Variants in ESR1 observed in about 807,000 individuals in gnomAD.
The protein encoded by ESR1 is estrogen receptor 1.
ESR1 carries 12 observed loss-of-function variants against 52.7 expected under a neutral mutation model. That is an observed-to-expected ratio of 0.23 (90% CI 0.15 to 0.37). ESR1 has a LOEUF of 0.37. ESR1 is among the 10% of genes least tolerant of loss of function. The pLI is 1.00. For synonymous variants in ESR1, 305 were observed against 316.8 expected (o/e 0.96, Z 0.39); for missense variants, 584 against 779.7 (o/e 0.75, Z 2.99).
chr6:151,939,550 T>C (rs1459167918), intron 3 of ESR1, among the ~76,000 whole-genome samples: 1 of 152,200 alleles, frequency 6.6e-6, no homozygotes, highest in African/African-American at 2.4e-5. Flanking sequence ...ATTTGCAGTT[T>C]TCACTTAACC....
At chr6:151,894,579 A>T (rs1309506287) in intron 3 of ESR1, among the ~76,000 whole-genome samples, 1 of 152,116 alleles carries the variant, frequency 6.6e-6, no homozygotes, top group Non-Finnish European at 1.5e-5. Context: ...TGAGAGATGA[A>T]GATCCAGTTG....
chr6:151,703,879 G>A (rs566713032), intron 2 of ESR1, among the ~76,000 whole-genome samples: 1 of 152,260 alleles, frequency 6.6e-6, no homozygotes, highest in East Asian at 1.9e-4. Flanking sequence ...AGGTGCTGTT[G>A]CTGAGATTTT....
chr6:151,963,736 CA>C (rs1285997226), intron 4 of ESR1, among the ~76,000 whole-genome samples: 2 of 152,138 alleles, frequency 1.3e-5, no homozygotes, highest in Non-Finnish European at 2.9e-5. Flanking sequence ...AGGTTGTATC[CA>C]AAGAACTCAT....
chr6:152,124,527 G>T (rs2052635176), intron 6 of ESR1, among the ~76,000 whole-genome samples: 1 of 152,138 alleles, frequency 6.6e-6, no homozygotes, highest in Admixed American at 6.5e-5. Flanking sequence ...AATTAGCATA[G>T]ATGGTCTTCT....
chr6:151,968,572 C>T (rs1033183377), intron 4 of ESR1, among the ~76,000 whole-genome samples: 5 of 152,082 alleles, frequency 3.3e-5, no homozygotes, highest in Admixed American at 2.6e-4. Context: ...TTTTTTATGA[C>T]ATATTAATCA....
At chr6:151,659,411 A>G (rs1777563510) in intron 1 of ESR1, among the ~76,000 whole-genome samples, 1 of 152,160 alleles carries the variant, frequency 6.6e-6, no homozygotes, top group African/African-American at 2.4e-5. Flanking sequence ...TTCTGGTTCC[A>G]TTGTTCCTCC....
At chr6:151,688,677 T>C (rs994544930), upstream of ESR1, among the ~76,000 whole-genome samples, 4 of 152,094 alleles carry the variant, frequency 2.6e-5, no homozygotes, top group African/African-American at 9.7e-5. Context: ...GTACTGAACA[T>C]GACTTTGCTC....
At chr6:152,122,024 G>A (rs1025493891) in intron 6 of ESR1, 4 of 251,872 alleles carry the variant, frequency 1.6e-5, no homozygotes, top group Admixed American at 5.0e-5. Flanking sequence ...TAGATTGTAC[G>A]ACACTGACAT....
chr6:151,829,511 C>T (rs1782044001), intron 1 of ESR1, among the ~76,000 whole-genome samples: 1 of 152,182 alleles, frequency 6.6e-6, no homozygotes, highest in African/African-American at 2.4e-5. Flanking sequence ...CATTTGTCAT[C>T]ATTACACGGT....
At chr6:152,005,359 C>A (rs561787292) in intron 4 of ESR1, among the ~76,000 whole-genome samples, 1 of 151,836 alleles carries the variant, frequency 6.6e-6, no homozygotes, top group Non-Finnish European at 1.5e-5. Flanking sequence ...GTCCAGGATG[C>A]CTTTTTATCC....
At chr6:152,068,121 G>A (rs2048112205) in intron 6 of ESR1, among the ~76,000 whole-genome samples, 1 of 152,240 alleles carries the variant, frequency 6.6e-6, no homozygotes, top group Non-Finnish European at 1.5e-5. Context: ...CTTTGCATCT[G>A]ACATGAGAGG....
At chr6:151,827,689 A>G (rs1242819944) in intron 1 of ESR1, among the ~76,000 whole-genome samples, 1 of 152,176 alleles carries the variant, frequency 6.6e-6, no homozygotes, top group Non-Finnish European at 1.5e-5. Flanking sequence ...TTAAAACACT[A>G]TGTCTTTAAA....
chr6:151,935,641 A>G (rs2034269185), intron 3 of ESR1, among the ~76,000 whole-genome samples: 2 of 152,250 alleles, frequency 1.3e-5, no homozygotes. Flanking sequence ...CTCACATACT[A>G]GGGAATTCAC....
chr6:151,826,515 T>C (rs1385127592), intron 1 of ESR1, among the ~76,000 whole-genome samples: 2 of 152,232 alleles, frequency 1.3e-5, no homozygotes, highest in Non-Finnish European at 2.9e-5. Flanking sequence ...GGATACTTGA[T>C]CCTCAGGCTC....
intron 4 of ESR1, among the ~76,000 whole-genome samples, chr6:151,969,365 A>G (rs1167435003): frequency 1.3e-5 from 2 of 152,206 alleles, no homozygotes; most frequent in Non-Finnish European, 2.9e-5. Flanking sequence ...CTTTATTTTC[A>G]TGTAGAAGGA....
intron 2 of ESR1, among the ~76,000 whole-genome samples, chr6:151,869,052 ATTT>A (rs1790477508): frequency 2.0e-5 from 3 of 151,602 alleles, no homozygotes; most frequent in African/African-American, 7.3e-5. Context: ...AAATGGACTT[ATTT>A]ATGAGTCTGG....
intron 3 of ESR1, among the ~76,000 whole-genome samples, chr6:151,918,934 A>T (rs1212351999): frequency 2.0e-5 from 3 of 152,214 alleles, no homozygotes; most frequent in Non-Finnish European, 4.4e-5. Context: ...TAGCAATAAG[A>T]TTTGTTACTT....
intron 3 of ESR1, among the ~76,000 whole-genome samples, chr6:151,888,571 A>T (rs946296558): frequency 2.6e-5 from 4 of 152,010 alleles, no homozygotes; most frequent in African/African-American, 9.7e-5. Context: ...TTTTGTGTGG[A>T]GTCTATACTT....
In ESR1 at chr6:152,094,305, T is replaced by G; in HGVS notation, c.1370-80T>G. 8.1e-7 allele frequency: 1 copy of G among 1,232,734 alleles called. No homozygotes were observed. Among genetic ancestry groups the G allele is most frequent in the Non-Finnish European group, 1.2e-6 (1 of 833,034 alleles). The allele number at this position is 1,232,734 out of a possible 1,614,324, so 76.4% of individuals were successfully genotyped here. A position where few individuals can be genotyped will look rare whatever the true frequency, so the allele number is the denominator to read the frequency against. Reference sequence around the variant, plus strand: ...CTGAGGAAGGGCACTGGCTCATTGTTACATCCCATGAACACTCTGGGTCTC... The same window carrying G: ...CTGAGGAAGGGCACTGGCTCATTGTGACATCCCATGAACACTCTGGGTCTC... On this transcript the variant is annotated intron_variant, in intron 6 of 7. Coordinates refer to ENST00000206249, the MANE Select transcript of ESR1 (RefSeq NM_000125.4). The surrounding 1 kb of genome is among the most constrained non-coding windows in gnomAD (Gnocchi z 4.6).
Sources: allele counts gnomAD v4.1 joint callset (sites outside exome capture counted in the v4.1 genomes callset), GRCh38; gene constraint gnomAD v4.1.1; non-coding constraint Gnocchi (gnomAD v3.1); transcripts MANE v1.5; gene names NCBI Gene and HGNC (gene_info 2026-07-23, HGNC 2026-07-21).